Variants in ENTREP2 observed in about 807,000 individuals in gnomAD.
ENTREP2 encodes the protein protein ENTREP2.
chr15:29,624,021 A>G, the ENTREP2 span, among the ~76,000 whole-genome samples: 82 of 152,332 alleles, frequency 5.4e-4, no homozygotes, highest in South Asian at 6.2e-4. Flanking sequence ...TATAGGCGTG[A>G]GCCACCGCAC....
the ENTREP2 span, among the ~76,000 whole-genome samples, chr15:29,201,646 T>A: frequency 6.6e-6 from 1 of 152,200 alleles, no homozygotes; most frequent in Non-Finnish European, 1.5e-5. Flanking sequence ...TGTATATAAC[T>A]CCTTTCAGAT....
chr15:29,392,498 G>T, the ENTREP2 span, among the ~76,000 whole-genome samples: 1 of 152,060 alleles, frequency 6.6e-6, no homozygotes, highest in African/African-American at 2.4e-5. Context: ...GTTGACAGTT[G>T]CATCTCTCAA....
At chr15:29,438,480 C>A in the ENTREP2 span, among the ~76,000 whole-genome samples, 1 of 152,152 alleles carries the variant, frequency 6.6e-6, no homozygotes, top group Non-Finnish European at 1.5e-5. Flanking sequence ...TCCAGTCAAA[C>A]CAGTTCCTGT....
the ENTREP2 span, among the ~76,000 whole-genome samples, chr15:29,326,886 T>C: frequency 5.9e-5 from 9 of 152,070 alleles, no homozygotes; most frequent in Non-Finnish European, 7.4e-5. Context: ...TTTAATGGAA[T>C]TGAGAACCCA....
At chr15:29,313,487 C>T in the ENTREP2 span, among the ~76,000 whole-genome samples, 1 of 152,172 alleles carries the variant, frequency 6.6e-6, no homozygotes, top group Admixed American at 6.5e-5. Flanking sequence ...AAGAATTATG[C>T]TAAATCTATT....
chr15:29,320,428 C>A, the ENTREP2 span, among the ~76,000 whole-genome samples: 1 of 152,166 alleles, frequency 6.6e-6, no homozygotes, highest in African/African-American at 2.4e-5. Context: ...CAGGTAAGGC[C>A]TGTTTCCTTT....
At chr15:29,202,167 C>G in the ENTREP2 span, among the ~76,000 whole-genome samples, 64 of 152,080 alleles carry the variant, frequency 4.2e-4, no homozygotes, top group Non-Finnish European at 7.5e-4. Context: ...AACTTTTTTT[C>G]TTGCTAGAGT....
chr15:29,657,439 C>G, the ENTREP2 span, among the ~76,000 whole-genome samples: 1 of 138,232 alleles, frequency 7.2e-6, no homozygotes, highest in Admixed American at 8.1e-5. Flanking sequence ...GCTTCCACCA[C>G]ACAGAAGTGG....
At chr15:29,533,624 C>T in the ENTREP2 span, among the ~76,000 whole-genome samples, 2 of 152,132 alleles carry the variant, frequency 1.3e-5, no homozygotes, top group Non-Finnish European at 2.9e-5. Context: ...CACCATTGAG[C>T]TCCCTGCCCA....
At chr15:29,563,520 T>A in the ENTREP2 span, among the ~76,000 whole-genome samples, 3 of 152,230 alleles carry the variant, frequency 2.0e-5, no homozygotes, top group East Asian at 3.8e-4. Context: ...TCTAGCCATA[T>A]CTTTTGTAGT....
the ENTREP2 span, among the ~76,000 whole-genome samples, chr15:29,224,565 C>A: frequency 7.2e-5 from 11 of 152,284 alleles, no homozygotes; most frequent in Admixed American, 5.9e-4. Context: ...GAGCTAGACA[C>A]AAAAGTTCTC....
the ENTREP2 span, chr15:29,269,790 T>G: frequency 7.9e-7 from 1 of 1,273,276 alleles, no homozygotes; most frequent in South Asian, 1.7e-5. Flanking sequence ...CTAACGCCGG[T>G]GCCTGGAGGC....
the ENTREP2 span, among the ~76,000 whole-genome samples, chr15:29,219,127 C>T: frequency 6.6e-6 from 1 of 151,000 alleles, no homozygotes; most frequent in South Asian, 2.1e-4. Context: ...AAAAAACAAA[C>T]AATCCCATCA....
At chr15:29,204,374 G>GATATTCTCAA in the ENTREP2 span, among the ~76,000 whole-genome samples, 6 of 152,202 alleles carry the variant, frequency 3.9e-5, no homozygotes, top group Admixed American at 2.0e-4. Flanking sequence ...GTGACCTTCA[G>GATATTCTCAA]ATATTCTCAA....
At chr15:29,474,059 G>C in the ENTREP2 span, among the ~76,000 whole-genome samples, 1 of 152,224 alleles carries the variant, frequency 6.6e-6, no homozygotes, top group East Asian at 1.9e-4. Flanking sequence ...CTGAAGCACA[G>C]TGCGTGCTGC....
chr15:29,255,482 C>A, the ENTREP2 span, among the ~76,000 whole-genome samples: 1 of 152,116 alleles, frequency 6.6e-6, no homozygotes, highest in South Asian at 2.1e-4. Flanking sequence ...TAACTAAAAG[C>A]AGAACGACCA....
At chr15:29,637,617 G>A in the ENTREP2 span, among the ~76,000 whole-genome samples, 2 of 152,258 alleles carry the variant, frequency 1.3e-5, no homozygotes, top group East Asian at 3.9e-4. Flanking sequence ...TGAACAAGAT[G>A]GAAATTTCAT....
chr15:29,123,272 T>C, the ENTREP2 span: 1 of 1,435,848 alleles, frequency 7.0e-7, no homozygotes, highest in Non-Finnish European at 9.2e-7. Context: ...TTGTCAGGCA[T>C]GATGGCTTCT....
chr15:29,604,803 A>G, the ENTREP2 span, among the ~76,000 whole-genome samples: 3 of 152,186 alleles, frequency 2.0e-5, no homozygotes, highest in Non-Finnish European at 4.4e-5. Flanking sequence ...AGGAGAACTG[A>G]GTGCCTCAAG....
Sources: allele counts gnomAD v4.1 joint callset (sites outside exome capture counted in the v4.1 genomes callset), GRCh38; gene constraint gnomAD v4.1.1; transcripts MANE v1.5; gene names NCBI Gene and HGNC (gene_info 2026-07-23, HGNC 2026-07-21).